PIK3CB: variants seen among roughly 807,000 people sequenced by gnomAD.
PIK3CB encodes phosphatidylinositol-4,5-bisphosphate 3-kinase catalytic subunit beta, also known as phosphatidylinositol 4,5-bisphosphate 3-kinase catalytic subunit beta isoform.
Under a neutral mutation model 136.8 loss-of-function variants are expected in PIK3CB, and 39 were observed. The ratio of observed to expected loss-of-function variants is 0.29; its 90% CI spans 0.22 to 0.37. PIK3CB has a LOEUF of 0.37. PIK3CB is among the 10% of genes least tolerant of loss of function. The pLI is 1.00. For missense variants in PIK3CB, 868 were observed against 1,275.4 expected (o/e 0.68, Z 4.87); for synonymous variants, 428 against 436.6 (o/e 0.98, Z 0.25).
intron 1 of PIK3CB, chr3:138,826,181 G>C (rs1257350809): frequency 1.7e-6 from 2 of 1,167,568 alleles, no homozygotes; most frequent in East Asian, 4.8e-5. Flanking sequence ...TGTATGTTGA[G>C]AGCTTCTAGG....
intron 6 of PIK3CB, among the ~76,000 whole-genome samples, chr3:138,737,019 T>A (rs2045121435): frequency 6.6e-6 from 1 of 152,044 alleles, no homozygotes; most frequent in Non-Finnish European, 1.5e-5. Flanking sequence ...TATGATGAAA[T>A]AGAAAGCAGC....
chr3:138,688,853 A>T (rs746938353), intron 16 of PIK3CB, 22 bp downstream of exon 16: 3 of 1,496,144 alleles, frequency 2.0e-6, no homozygotes. Flanking sequence ...AGAAAAAATG[A>T]ATAAATAAAA....
chr3:138,729,801 TA>T (rs1276891902), intron 8 of PIK3CB, among the ~76,000 whole-genome samples: 5 of 152,206 alleles, frequency 3.3e-5, no homozygotes, highest in Non-Finnish European at 4.4e-5. Flanking sequence ...AAATCTTCTA[TA>T]TTTTTTGCTT....
At chr3:138,811,579 C>T (rs975685801) in intron 1 of PIK3CB, among the ~76,000 whole-genome samples, 2 of 151,910 alleles carry the variant, frequency 1.3e-5, no homozygotes, top group Non-Finnish European at 2.9e-5. Flanking sequence ...GCGCCCGCGA[C>T]CACACCTGGC....
chr3:138,794,665 G>C (rs980457587), intron 2 of PIK3CB, among the ~76,000 whole-genome samples: 1 of 152,086 alleles, frequency 6.6e-6, no homozygotes, highest in Non-Finnish European at 1.5e-5. Flanking sequence ...AGCTGCTAGG[G>C]TTACAACAGT....
chr3:138,798,271 T>A (rs2046131602), intron 1 of PIK3CB, among the ~76,000 whole-genome samples: 2 of 152,106 alleles, frequency 1.3e-5, no homozygotes, highest in African/African-American at 2.4e-5. Context: ...CCTCGGGTGA[T>A]CCTCCACCTC....
chr3:138,665,809 A>C (rs2043397518), intron 19 of PIK3CB, among the ~76,000 whole-genome samples: 1 of 152,180 alleles, frequency 6.6e-6, no homozygotes, highest in Non-Finnish European at 1.5e-5. Context: ...GGTTCAAGTG[A>C]TCCTCTCACC....
chr3:138,787,838 T>C (rs1172904746), intron 2 of PIK3CB, among the ~76,000 whole-genome samples: 1 of 152,034 alleles, frequency 6.6e-6, no homozygotes, highest in African/African-American at 2.4e-5. Context: ...TCCCTGAAGC[T>C]TATGGCAAAG....
intron 4 of PIK3CB, among the ~76,000 whole-genome samples, chr3:138,750,089 G>C (rs1474577133): frequency 3.9e-5 from 6 of 151,988 alleles, no homozygotes; most frequent in Non-Finnish European, 7.4e-5. Flanking sequence ...ATGTTGCCCA[G>C]ACTGGTCTCC....
intron 4 of PIK3CB, among the ~76,000 whole-genome samples, chr3:138,743,968 T>G (rs891076546): frequency 6.6e-6 from 1 of 152,190 alleles, no homozygotes; most frequent in African/African-American, 2.4e-5. Flanking sequence ...ATGTTATACA[T>G]GTTATATACT....
intron 10 of PIK3CB, among the ~76,000 whole-genome samples, chr3:138,708,593 C>CT (rs11308775): frequency 7.4e-4 from 105 of 141,716 alleles, no homozygotes; most frequent in Middle Eastern, 3.6e-3. Context: ...GGAGGCAACT[C>CT]TTTTTTTTTT....
intron 2 of PIK3CB, among the ~76,000 whole-genome samples, chr3:138,789,940 TG>T (rs2108811776): frequency 6.6e-6 from 1 of 152,246 alleles, no homozygotes; most frequent in South Asian, 2.1e-4. Flanking sequence ...CTGCCCGTCC[TG>T]GCCTCCCAAA....
Position 138,787,683 on chromosome 3 carries a change from T to C in PIK3CB, c.-17+8780A>G, listed in dbSNP as rs568200608. Among the ~76,000 whole-genome samples, 3 of 151,794 alleles carry C rather than the reference T, an allele frequency of 2.0e-5. No homozygotes were observed. In the South Asian group the frequency reaches 6.2e-4, roughly 31 times the overall value. ...CAAAAGTGAAAATTTCTCCAGCTCC[T>C]TGTAAAATTTCCAAACAGGAGGTTA... On this transcript the variant is annotated intron_variant, in intron 2 of 23. Coordinates refer to ENST00000674063, the MANE Select transcript of PIK3CB (RefSeq NM_006219.3).
At chr3:138,698,655 G>A (rs1419514962) in intron 13 of PIK3CB, among the ~76,000 whole-genome samples, 1 of 152,146 alleles carries the variant, frequency 6.6e-6, no homozygotes, top group Non-Finnish European at 1.5e-5. Flanking sequence ...ACTTTTGATA[G>A]ATAATTGTCC....
chr3:138,764,796 G>A (rs1285655224), intron 2 of PIK3CB, among the ~76,000 whole-genome samples: 1 of 151,968 alleles, frequency 6.6e-6, no homozygotes, highest in Non-Finnish European at 1.5e-5. Flanking sequence ...CATATTGCCT[G>A]ACCAAATTTT....
chr3:138,774,825 C>A (rs867649120), intron 2 of PIK3CB, among the ~76,000 whole-genome samples: 1 of 152,128 alleles, frequency 6.6e-6, no homozygotes, highest in Non-Finnish European at 1.5e-5. Flanking sequence ...GCTTTGAATT[C>A]TTTTAGTTAT....
At chr3:138,695,059 T>A in intron 13 of PIK3CB, 152 bp from the exon 14 acceptor site, 1 of 596,944 alleles carries the variant, frequency 1.7e-6, no homozygotes, top group Non-Finnish European at 2.7e-6. Flanking sequence ...TAATAGAGAC[T>A]AATAAAGATT....
At chr3:138,736,890 A>T (rs545094928) in intron 6 of PIK3CB, among the ~76,000 whole-genome samples, 4 of 152,316 alleles carry the variant, frequency 2.6e-5, no homozygotes, top group South Asian at 2.1e-4. Flanking sequence ...GGAATTGAAA[A>T]GTTTTCCTTT....
intron 2 of PIK3CB, among the ~76,000 whole-genome samples, chr3:138,785,794 G>A (rs1381779925): frequency 6.9e-6 from 1 of 145,146 alleles, no homozygotes; most frequent in African/African-American, 2.6e-5. Flanking sequence ...CCCCCGCTCC[G>A]AGAAACACCC....
Sources: gnomAD v4.1 joint callset for allele counts (sites outside exome capture counted in the v4.1 genomes callset) on GRCh38, gnomAD v4.1.1 for gene constraint, MANE v1.5 for transcripts, NCBI Gene and HGNC (gene_info 2026-07-23, HGNC 2026-07-21) for gene names.